Variants in MDGA2 observed in about 807,000 individuals in gnomAD.
MDGA2 encodes the protein MAM domain-containing glycosylphosphatidylinositol anchor protein 2.
Under a neutral mutation model 117.8 loss-of-function variants are expected in MDGA2, and 40 were observed. The observed-to-expected ratio is 0.34, with a 90% CI of 0.26 to 0.44. The LOEUF (loss-of-function observed/expected upper bound fraction) is 0.44. Among genes scored for constraint, MDGA2 ranks in the 20% least tolerant of loss-of-function variants. The probability of loss-of-function intolerance (pLI) is 1.00; values close to 1 mark genes in which losing one functional copy is unlikely to be tolerated. For missense variants in MDGA2, 1,123 were observed against 1,250.6 expected (o/e 0.90, Z 1.54); for synonymous variants, 452 against 439.0 (o/e 1.03, Z -0.37).
rs148811301 is a variant in MDGA2, at chr14:47,434,477, T to C, written c.281-132927A>G. 4.4e-3 allele frequency among the ~76,000 whole-genome samples: 671 copies of C among 152,244 alleles called. 10 individuals are homozygous for C. The highest frequency in any genetic ancestry group is 0.029 in the Admixed American group (439 of 15,268). ...ACTTTTCAGTTGGAAAGCTAACACTTTGATCAAGTGATTCTTACTAATTCT... is the reference window on the plus strand; with the variant it reads ...ACTTTTCAGTTGGAAAGCTAACACTCTGATCAAGTGATTCTTACTAATTCT... On this transcript the variant is annotated intron_variant, in intron 1 of 16. Transcript: ENST00000399232.
At chr14:47,657,115 A>G (rs55792856) in intron 1 of MDGA2, among the ~76,000 whole-genome samples, 2,645 of 152,242 alleles carry the variant, frequency 0.017, 51 homozygotes, top group Non-Finnish European at 0.021. Flanking sequence ...CAGCCTCCAG[A>G]TGTCAAGTCA....
intron 1 of MDGA2, among the ~76,000 whole-genome samples, chr14:47,557,374 T>C (rs1487313168): frequency 6.6e-6 from 1 of 152,200 alleles, no homozygotes; most frequent in Non-Finnish European, 1.5e-5. Flanking sequence ...TCATTTTATC[T>C]CTGGGAAAAT....
chr14:47,292,076 C>T (rs1307821092), intron 2 of MDGA2, among the ~76,000 whole-genome samples: 1 of 152,192 alleles, frequency 6.6e-6, no homozygotes, highest in Non-Finnish European at 1.5e-5. Flanking sequence ...ACATCTGATC[C>T]AGCAGCTGCG....
At chr14:47,256,343 C>A (rs1479094421) in intron 2 of MDGA2, among the ~76,000 whole-genome samples, 1 of 152,086 alleles carries the variant, frequency 6.6e-6, no homozygotes, top group Non-Finnish European at 1.5e-5. Context: ...CCCTAAATGT[C>A]TTTCCGTCAC....
chr14:47,179,216 ATTATAT>A (rs1327455249), intron 3 of MDGA2, among the ~76,000 whole-genome samples: 1 of 152,092 alleles, frequency 6.6e-6, no homozygotes, highest in Non-Finnish European at 1.5e-5. Context: ...TGTGTACAAT[ATTATAT>A]GGGGAGCCGA....
chr14:47,584,801 A>G (rs1397803962), intron 1 of MDGA2, among the ~76,000 whole-genome samples: 1 of 151,762 alleles, frequency 6.6e-6, no homozygotes, highest in Admixed American at 6.6e-5. Flanking sequence ...CCTACATCCC[A>G]TTAATACCCC....
chr14:47,114,350 A>G (rs1389466991), intron 5 of MDGA2, among the ~76,000 whole-genome samples: 5 of 152,212 alleles, frequency 3.3e-5, no homozygotes, highest in Non-Finnish European at 7.3e-5. Flanking sequence ...CATCCTGCCC[A>G]ATATAATTTA....
intron 1 of MDGA2, among the ~76,000 whole-genome samples, chr14:47,349,447 G>C (rs1057086321): frequency 2.0e-5 from 3 of 152,150 alleles, no homozygotes; most frequent in Non-Finnish European, 4.4e-5. Context: ...ATGTTTAATA[G>C]ATACCACATA....
At chr14:47,219,014 C>CACAT (rs1290446577) in intron 2 of MDGA2, among the ~76,000 whole-genome samples, 1 of 151,910 alleles carries the variant, frequency 6.6e-6, no homozygotes, top group Non-Finnish European at 1.5e-5. Context: ...GAATAAAAGC[C>CACAT]ACATACTCAT....
chr14:46,871,166 A>G (rs1216615254), intron 14 of MDGA2: 1 of 151,946 alleles, frequency 6.6e-6, no homozygotes, highest in Admixed American at 6.6e-5. Context: ...GTTTCCTTTC[A>G]TTGGTTCTTT....
intron 7 of MDGA2, among the ~76,000 whole-genome samples, chr14:47,060,067 C>T (rs1889826606): frequency 6.6e-6 from 1 of 151,976 alleles, no homozygotes. Context: ...AGCGCTAGCA[C>T]CAACGTTTAA....
chr14:47,393,558 C>T (rs2138443028), intron 1 of MDGA2, among the ~76,000 whole-genome samples: 1 of 152,212 alleles, frequency 6.6e-6, no homozygotes, highest in African/African-American at 2.4e-5. Flanking sequence ...AATTTCCCAT[C>T]ACCTTTAAGC....
intron 2 of MDGA2, among the ~76,000 whole-genome samples, chr14:47,261,187 G>T (rs1373473353): frequency 6.6e-6 from 1 of 152,058 alleles, no homozygotes; most frequent in Non-Finnish European, 1.5e-5. Context: ...GCACATTTTT[G>T]ATGCCTCCTC....
At chr14:47,272,078 CTTTAG>C (rs1888163865) in intron 2 of MDGA2, among the ~76,000 whole-genome samples, 1 of 151,718 alleles carries the variant, frequency 6.6e-6, no homozygotes, top group South Asian at 2.1e-4. Flanking sequence ...CATTTTTTTT[CTTTAG>C]TTAAGTATAA....
At chr14:47,296,338 A>G (rs1889073283) in intron 2 of MDGA2, among the ~76,000 whole-genome samples, 1 of 152,240 alleles carries the variant, frequency 6.6e-6, no homozygotes, top group Admixed American at 6.5e-5. Context: ...TGAGAACAAA[A>G]GTATCTTAAA....
chr14:46,859,358 A>C (rs1223637385), intron 14 of MDGA2, among the ~76,000 whole-genome samples: 1 of 152,208 alleles, frequency 6.6e-6, no homozygotes, highest in Non-Finnish European at 1.5e-5. Flanking sequence ...AGTTTTCTAC[A>C]TGTACAGTCT....
chr14:47,136,545 C>T (rs1278205933), intron 4 of MDGA2, among the ~76,000 whole-genome samples: 2 of 152,164 alleles, frequency 1.3e-5, no homozygotes, highest in Non-Finnish European at 2.9e-5. Flanking sequence ...GATCCATCCT[C>T]TAAAAGTGTA....
At chr14:47,369,743 T>A (rs1891304871) in intron 1 of MDGA2, among the ~76,000 whole-genome samples, 2 of 152,158 alleles carry the variant, frequency 1.3e-5, no homozygotes, top group East Asian at 1.9e-4. Flanking sequence ...ATAACTTTTT[T>A]AGATTAATCA....
In MDGA2 at chr14:47,346,988, T is replaced by G. The variant is rs552224599; in HGVS notation, c.281-45438A>C. 2.4e-4 allele frequency among the ~76,000 whole-genome samples: 36 copies of G among 152,194 alleles called. 1 individual carries two copies. In the South Asian group the frequency reaches 6.8e-3, roughly 29 times the overall value. ...TCTGAAAATGGAAAGATGAGACTAA[T>G]GGAAGGACAACTGGGACGGGGGAGT... On this transcript the variant is annotated intron_variant, in intron 1 of 16. Transcript: ENST00000399232.
Sources: gnomAD v4.1 joint callset for allele counts (sites outside exome capture counted in the v4.1 genomes callset) on GRCh38, gnomAD v4.1.1 for gene constraint, MANE v1.5 for transcripts, NCBI Gene and HGNC (gene_info 2026-07-23, HGNC 2026-07-21) for gene names.